CCDC85C: variants seen among roughly 807,000 people sequenced by gnomAD.
CCDC85C encodes coiled-coil domain-containing protein 85C.
A neutral mutation model predicts 38.3 loss-of-function variants in CCDC85C; 18 were observed. The observed-to-expected ratio is 0.47, with a 90% CI of 0.33 to 0.70. The LOEUF is 0.70. Ranked by LOEUF, CCDC85C falls within the 30% of genes least tolerant of loss-of-function variation. CCDC85C has a pLI of 0.03. For missense variants in CCDC85C, 566 were observed against 621.2 expected, an observed-to-expected ratio of 0.91 and a Z score of 0.94; for synonymous variants, 264 against 293.8, an observed-to-expected ratio of 0.90 and a Z score of 1.04.
At chr14:99,590,283 G>A (rs948002920) in intron 1 of CCDC85C, among the ~76,000 whole-genome samples, 3 of 152,156 alleles carry the variant, frequency 2.0e-5, no homozygotes, top group Non-Finnish European at 4.4e-5. Context: ...GCAGCATCCC[G>A]AGGGCCTCCT....
Position 99,604,176 on chromosome 14 carries a change from G to A in CCDC85C, c.-217C>T. 3.5e-6 allele frequency: 1 copy of A among 282,618 alleles called. No homozygotes were observed. Among genetic ancestry groups the A allele is most frequent in the Non-Finnish European group, 5.3e-6 (1 of 189,654 alleles). The allele number at this position is 282,618 out of a possible 1,614,324, so 17.5% of individuals were successfully genotyped here. A position where few individuals can be genotyped will look rare whatever the true frequency, so the allele number is the denominator to read the frequency against. On this transcript the variant is annotated 5_prime_UTR_variant, in exon 1 of 6. Coordinates refer to ENST00000380243, the MANE Select transcript of CCDC85C (RefSeq NM_001144995.2). ...ACGAGCGGAGGCGGCTGCTGCGTCG[G>A]CGGCCGCGGTGCCGGGCGCTCTCAG...
rs1897174350 is a variant in CCDC85C at position 99,513,629 on chromosome 14, C to T, written c.*1617G>A. On this transcript the variant is annotated 3_prime_UTR_variant, in exon 6 of 6. Coordinates refer to ENST00000380243, the MANE Select transcript of CCDC85C (RefSeq NM_001144995.2). ...AGAGGGACAGGGCGGCCATCTCCCT[C>T]CTCTTGCCTGCATCCCCAGCCCTGG... 1 of 152,324 alleles carries T rather than the reference C, an allele frequency of 6.6e-6. No individual in the cohort carries two copies. The highest frequency in any genetic ancestry group is 2.1e-4 in the South Asian group (1 of 4,836). 9.4% of individuals were successfully genotyped at this position (152,324 alleles called of 1,614,324 possible). A position where few individuals can be genotyped will look rare whatever the true frequency, so the allele number is the denominator to read the frequency against.
chr14:99,566,605 A>G (rs1390847452), intron 1 of CCDC85C, among the ~76,000 whole-genome samples: 1 of 151,686 alleles, frequency 6.6e-6, no homozygotes, highest in Non-Finnish European at 1.5e-5. Flanking sequence ...GGCCCCATGA[A>G]CTCTGCACCC....
chr14:99,537,753 C>T (rs1277781879), intron 1 of CCDC85C, among the ~76,000 whole-genome samples: 1 of 152,210 alleles, frequency 6.6e-6, no homozygotes, highest in Admixed American at 6.5e-5. Flanking sequence ...CCTGATCCCT[C>T]CCTCCCTGGC....
At chr14:99,515,755 C>T (rs1330070691) in intron 5 of CCDC85C, among the ~76,000 whole-genome samples, 2 of 152,122 alleles carry the variant, frequency 1.3e-5, no homozygotes, top group Non-Finnish European at 2.9e-5. Flanking sequence ...TCCTGGGCAG[C>T]CCCAGCCTGG....
At chr14:99,525,500 C>A (rs1897367167) in intron 2 of CCDC85C, among the ~76,000 whole-genome samples, 1 of 152,236 alleles carries the variant, frequency 6.6e-6, no homozygotes. Flanking sequence ...CCTTTCTGGG[C>A]TGTGCTTAGG....
chr14:99,601,434 G>A (rs368416623), intron 1 of CCDC85C, among the ~76,000 whole-genome samples: 17 of 152,148 alleles, frequency 1.1e-4, no homozygotes, highest in Non-Finnish European at 2.2e-4. Context: ...CCCAAAACTC[G>A]ACAGAGCCTT....
intron 1 of CCDC85C, among the ~76,000 whole-genome samples, chr14:99,554,729 G>T (rs574163471): frequency 6.6e-6 from 1 of 152,238 alleles, no homozygotes; most frequent in South Asian, 2.1e-4. Flanking sequence ...AAGCCAACGG[G>T]CATGCCTGAG....
chr14:99,572,867 G>A lies in CCDC85C; in HGVS notation c.793+30300C>T, dbSNP rs1898383768. The stretch of plus-strand genomic sequence containing the variant: ...AACAGGTGCTCAGTAAACGGCTAAG[G>A]AAGGAATGTCTGCCCAAGTCCCAGG... On this transcript the variant is annotated intron_variant, in intron 1 of 5. Transcript: ENST00000380243. The surrounding 1 kb of genome is among the most constrained non-coding windows in gnomAD (Gnocchi z 4.4). 1 of 455,142 alleles carries A rather than the reference G, an allele frequency of 2.2e-6. No homozygotes were observed. 28.2% of individuals were successfully genotyped at this position (455,142 alleles called of 1,614,324 possible). A position where few individuals can be genotyped will look rare whatever the true frequency, so the allele number is the denominator to read the frequency against.
rs895067239 is a variant in CCDC85C at position 99,572,950 on chromosome 14, C to T, written c.793+30217G>A. On this transcript the variant is annotated intron_variant, in intron 1 of 5. Transcript: ENST00000380243. This position sits in a 1 kb window ranked among gnomAD's most constrained non-coding sequence, Gnocchi z 4.4. ...TTCTCTTAGCTCTGAGCCCTGCCTTCGCCTCCTACAAGATAGGATGGCAGC... is the reference window on the plus strand; with the variant it reads ...TTCTCTTAGCTCTGAGCCCTGCCTTTGCCTCCTACAAGATAGGATGGCAGC... 9.5e-5 allele frequency: 38 copies of T among 400,228 alleles called. No homozygotes were observed. Among genetic ancestry groups the T allele is most frequent in the East Asian group, 1.4e-4 (2 of 13,996 alleles). 24.8% of individuals were successfully genotyped at this position (400,228 alleles called of 1,614,324 possible).
intron 1 of CCDC85C, among the ~76,000 whole-genome samples, chr14:99,541,494 T>G (rs1595352658): frequency 6.6e-6 from 1 of 151,976 alleles, no homozygotes; most frequent in South Asian, 2.1e-4. Context: ...TTCACGTGGG[T>G]TATGTGGGTG....
chr14:99,501,302 C>A lies in CCDC85C; in HGVS notation c.*13944G>T. The A allele has an allele frequency of 8.9e-7, 1 of 1,124,080 alleles. No homozygotes were observed. Among genetic ancestry groups the A allele is most frequent in the Non-Finnish European group, 1.4e-6 (1 of 735,676 alleles). 69.6% of individuals were successfully genotyped at this position (1,124,080 alleles called of 1,614,324 possible). On this transcript the variant is annotated 3_prime_UTR_variant, in exon 6 of 6. Coordinates refer to ENST00000380243, the MANE Select transcript of CCDC85C (RefSeq NM_001144995.2). ...GTAGGTTTTTAATAAATACTTGATG[C>A]TGCCTGTGAATTTTTCTATTGCTAT... is the stretch of plus-strand genomic sequence containing the variant.
At chr14:99,571,076 C>A (rs944756223) in intron 1 of CCDC85C, among the ~76,000 whole-genome samples, 32 of 152,254 alleles carry the variant, frequency 2.1e-4, no homozygotes, top group African/African-American at 7.2e-4. Flanking sequence ...ACCCCACCTG[C>A]CAGGGACACT....
intron 1 of CCDC85C, among the ~76,000 whole-genome samples, chr14:99,596,822 G>T (rs994631341): frequency 6.6e-6 from 1 of 152,282 alleles, no homozygotes; most frequent in South Asian, 2.1e-4. Flanking sequence ...GATCCCAGAC[G>T]CTGATCCCAA....
chr14:99,510,252 G>A lies in CCDC85C; in HGVS notation c.*4994C>T. On this transcript the variant is annotated 3_prime_UTR_variant, in exon 6 of 6. Transcript: ENST00000380243. Reference sequence around the variant, plus strand: ...CCCCAAAGTCCAGATTCCCCCTCCGGCCCACCCGGCCCCTGTGCACCAGCC... The same window carrying A: ...CCCCAAAGTCCAGATTCCCCCTCCGACCCACCCGGCCCCTGTGCACCAGCC... 6.4e-7 allele frequency: 1 copy of A among 1,558,608 alleles called. No individual in the cohort carries two copies. The highest frequency in any genetic ancestry group is 8.7e-7 in the Non-Finnish European group (1 of 1,155,956).
At chr14:99,517,755 T>A (rs1897249361) in intron 3 of CCDC85C, among the ~76,000 whole-genome samples, 1 of 152,152 alleles carries the variant, frequency 6.6e-6, no homozygotes, top group Non-Finnish European at 1.5e-5. Flanking sequence ...GGACCCAGCC[T>A]CTGTCAGAAG....
rs1897768067 is a variant in CCDC85C, at chr14:99,544,403, A to G, written c.794-8315T>C. Among the ~76,000 whole-genome samples the G allele has an allele frequency of 6.6e-6, 1 of 150,874 alleles. No homozygotes were observed. Among genetic ancestry groups the G allele is most frequent in the Non-Finnish European group, 1.5e-5 (1 of 67,804 alleles). ...CAAGGAGGCACAGCAACTTTCACCT[A>G]CTCCCCCAACAAAGAGACCGAGGTT... is the stretch of plus-strand genomic sequence containing the variant. On this transcript the variant is annotated intron_variant, in intron 1 of 5. Coordinates refer to ENST00000380243, the MANE Select transcript of CCDC85C (RefSeq NM_001144995.2). This position sits in a 1 kb window ranked among gnomAD's most constrained non-coding sequence, Gnocchi z 5.3.
At chr14:99,580,073 C>T (rs1306511208) in intron 1 of CCDC85C, 1 of 455,752 alleles carries the variant, frequency 2.2e-6, no homozygotes, top group South Asian at 1.5e-5. Context: ...GTCTCACATT[C>T]CTAAACAGTA....
rs28627885 is a variant in CCDC85C, at chr14:99,516,675, G to A, written c.1072-389C>T. Reference sequence around the variant, plus strand: ...CATGGGGCACGTACGTAGGAGGAAGGGGGGCATGGGAGTGGGGACTGTGCT... The same window carrying A: ...CATGGGGCACGTACGTAGGAGGAAGAGGGGCATGGGAGTGGGGACTGTGCT... On this transcript the variant is annotated intron_variant, in intron 4 of 5. Coordinates refer to ENST00000380243, the MANE Select transcript of CCDC85C (RefSeq NM_001144995.2). The surrounding 1 kb of genome is among the most constrained non-coding windows in gnomAD (Gnocchi z 5.5). 0.049 allele frequency among the ~76,000 whole-genome samples: 7,396 copies of A among 152,152 alleles called. 256 individuals are homozygous for A. Among genetic ancestry groups the A allele is most frequent in the East Asian group, 0.13 (681 of 5,164 alleles).
Sources: allele counts gnomAD v4.1 joint callset (sites outside exome capture counted in the v4.1 genomes callset), GRCh38; gene constraint gnomAD v4.1.1; non-coding constraint Gnocchi (gnomAD v3.1); transcripts MANE v1.5; gene names NCBI Gene and HGNC (gene_info 2026-07-23, HGNC 2026-07-21).